The following ASB7 variants were observed in gnomAD, a reference collection of about 807,000 sequenced individuals.
ASB7 encodes the protein ankyrin repeat and SOCS box protein 7.
Under a neutral mutation model 32.5 loss-of-function variants are expected in ASB7, and 4 were observed. That is an observed-to-expected ratio of 0.12 (90% confidence interval 0.06 to 0.28). ASB7 has a LOEUF of 0.28. Ranked by LOEUF, ASB7 falls within the 10% of genes least tolerant of loss-of-function variation. ASB7 has a pLI of 1.00. For synonymous variants in ASB7, 172 were observed against 155.6 expected, an observed-to-expected ratio of 1.11 and a Z score of -0.78; for missense variants, 181 against 407.1, an observed-to-expected ratio of 0.44 and a Z score of 4.78.
chr15:100,608,972 C>G (rs2039671479), intron 2 of ASB7, among the ~76,000 whole-genome samples: 1 of 152,192 alleles, frequency 6.6e-6, no homozygotes, highest in Non-Finnish European at 1.5e-5. Flanking sequence ...GGTAGTAGTT[C>G]TCCCAATATG....
chr15:100,617,400 G>A (rs2039752963), intron 4 of ASB7, among the ~76,000 whole-genome samples: 1 of 152,182 alleles, frequency 6.6e-6, no homozygotes, highest in East Asian at 1.9e-4. Context: ...CAGCCCCTCT[G>A]CATTCTTTCA....
rs1398856749 is a variant in ASB7, at chr15:100,648,735, T to G, written c.*273T>G. 4.0e-6 allele frequency: 1 copy of G among 250,204 alleles called. No homozygotes were observed. Among genetic ancestry groups the G allele is most frequent in the Non-Finnish European group, 7.5e-6 (1 of 133,158 alleles). The allele number at this position is 250,204 out of a possible 1,614,324, so 15.5% of individuals were successfully genotyped here. A position where few individuals can be genotyped will look rare whatever the true frequency, so the allele number is the denominator to read the frequency against. On this transcript the variant is annotated 3_prime_UTR_variant, in exon 6 of 6. Transcript: ENST00000332783. ...CCAAGCTTTGTATACAATACTGCAT[T>G]TAGAAAAATTGTCTTTTCTTAAATG...
chr15:100,636,350 A>C (rs1156730098), intron 5 of ASB7, among the ~76,000 whole-genome samples: 1 of 152,208 alleles, frequency 6.6e-6, no homozygotes, highest in Non-Finnish European at 1.5e-5. Flanking sequence ...TTGGAACTAA[A>C]ACTGGAAGTC....
intron 4 of ASB7, among the ~76,000 whole-genome samples, chr15:100,616,883 G>A (rs1268431912): frequency 6.6e-6 from 1 of 152,194 alleles, no homozygotes; most frequent in Non-Finnish European, 1.5e-5. Context: ...GATCAGTGTA[G>A]CCAACTATGT....
chr15:100,642,755 G>A (rs959397102), intron 5 of ASB7, among the ~76,000 whole-genome samples: 5 of 152,256 alleles, frequency 3.3e-5, no homozygotes, highest in South Asian at 2.1e-4. Context: ...TCACTCTTGC[G>A]GCCGGGCGCG....
intron 3 of ASB7, among the ~76,000 whole-genome samples, 173 bp from the exon 4 acceptor site, chr15:100,611,993 C>T (rs2039700643): frequency 6.6e-6 from 1 of 151,892 alleles, no homozygotes; most frequent in Admixed American, 6.6e-5. Context: ...CCCACCTCAG[C>T]CTCCTGAGTT....
At chr15:100,603,126 C>T (rs999815870) in intron 1 of ASB7, 80 bp downstream of exon 1, 4 of 397,678 alleles carry the variant, frequency 1.0e-5, no homozygotes, top group East Asian at 7.1e-5. Flanking sequence ...TTTTTCTTGC[C>T]TGCCCTTGCC....
chr15:100,638,619 A>G (rs1396440001), intron 5 of ASB7, among the ~76,000 whole-genome samples: 5 of 152,320 alleles, frequency 3.3e-5, no homozygotes, highest in African/African-American at 1.2e-4. Flanking sequence ...GAATAAATAC[A>G]TCATTTATTT....
At chr15:100,620,689 A>C (rs1324094156) in intron 4 of ASB7, among the ~76,000 whole-genome samples, 1 of 152,242 alleles carries the variant, frequency 6.6e-6, no homozygotes, top group Non-Finnish European at 1.5e-5. Flanking sequence ...GTGATGGAAG[A>C]GTCTCTATTA....
At chr15:100,607,496 C>G (rs1409194940) in intron 2 of ASB7, among the ~76,000 whole-genome samples, 3 of 152,200 alleles carry the variant, frequency 2.0e-5, no homozygotes, top group African/African-American at 7.2e-5. Context: ...AGCAGTGTAG[C>G]TGACAGGGAT....
In ASB7 at chr15:100,614,285, AAAAGAAAG is replaced by A. The variant is rs548234905; in HGVS notation, c.211+1874_211+1881del. On this transcript the variant is annotated intron_variant, in intron 4 of 5. Coordinates refer to ENST00000332783, the MANE Select transcript of ASB7 (RefSeq NM_198243.3). ...TGAAACTCTGCTCAAAAAAAAAAAA[AAAAGAAAG>A]AAAGAAAGAAAGAAAAATTCTGTCG... is the stretch of plus-strand genomic sequence containing the variant. Among the ~76,000 whole-genome samples, 444 of 151,680 alleles carry A rather than the reference AAAAGAAAG, an allele frequency of 2.9e-3. 1 individual carries two copies. The highest frequency in any genetic ancestry group is 0.01 in the African/African-American group (428 of 41,316).
intron 4 of ASB7, among the ~76,000 whole-genome samples, chr15:100,618,303 C>G (rs912651240): frequency 6.6e-6 from 1 of 151,540 alleles, no homozygotes; most frequent in African/African-American, 2.4e-5. Context: ...TTAGTAGAGA[C>G]GGGGTTTCAC....
chr15:100,635,893 G>A lies in ASB7; in HGVS notation c.817+5851G>A, dbSNP rs1183241053. ...GAGAAAGTCTTTCCCCCCGGGGCTCGGGCCTTTGTCATGGAGAAGGTTCTG... is the reference window on the plus strand; with the variant it reads ...GAGAAAGTCTTTCCCCCCGGGGCTCAGGCCTTTGTCATGGAGAAGGTTCTG... On this transcript the variant is annotated intron_variant, in intron 5 of 5. Transcript: ENST00000332783. Among the ~76,000 whole-genome samples, 4 of 152,160 alleles carry A rather than the reference G, an allele frequency of 2.6e-5. No homozygotes were observed. The East Asian group carries it at 7.7e-4, about 29-fold the overall frequency.
At chr15:100,635,197 C>T (rs983505511) in intron 5 of ASB7, among the ~76,000 whole-genome samples, 3 of 152,170 alleles carry the variant, frequency 2.0e-5, no homozygotes, top group Non-Finnish European at 4.4e-5. Flanking sequence ...GAGAATTTCA[C>T]CTCCTCAGAG....
In ASB7 at chr15:100,650,652, G is replaced by A. The variant is rs756642786; in HGVS notation, c.*2190G>A. The A allele has an allele frequency of 6.6e-6, 1 of 152,026 alleles. No individual in the cohort carries two copies. Among genetic ancestry groups the A allele is most frequent in the East Asian group, 1.9e-4 (1 of 5,200 alleles). The allele number at this position is 152,026 out of a possible 1,614,324, so 9.4% of individuals were successfully genotyped here. ...TTCCACGTAAAAAGATCAGATTAAG[G>A]TAAATTCTTTGTTCTGTATTGCTGC... is the stretch of plus-strand genomic sequence containing the variant. On this transcript the variant is annotated 3_prime_UTR_variant, in exon 6 of 6. Coordinates refer to ENST00000332783, the MANE Select transcript of ASB7 (RefSeq NM_198243.3).
intron 5 of ASB7, among the ~76,000 whole-genome samples, chr15:100,633,671 G>A (rs2039901405): frequency 6.7e-6 from 1 of 149,554 alleles, no homozygotes; most frequent in Non-Finnish European, 1.5e-5. Context: ...GAAGGAAGGA[G>A]GAAGGAAGGA....
At chr15:100,616,413 A>G (rs2039743342) in intron 4 of ASB7, among the ~76,000 whole-genome samples, 1 of 152,128 alleles carries the variant, frequency 6.6e-6, no homozygotes, top group African/African-American at 2.4e-5. Context: ...TGTCTTGTTT[A>G]GGAAGTATAC....
At position 100,638,743 on chromosome 15, in the gene ASB7, A is replaced by G. The variant is rs575446351; in HGVS notation, c.817+8701A>G. 1.4e-4 allele frequency among the ~76,000 whole-genome samples: 21 copies of G among 152,268 alleles called. No homozygotes were observed. The South Asian group carries it at 4.1e-3, about 30-fold the overall frequency. On this transcript the variant is annotated intron_variant, in intron 5 of 5. Transcript: ENST00000332783. ...GAATGTGCAGGTTTGTTACATAGGT[A>G]TACATGTGCCATGGTGGTTTGCTGC... is the stretch of plus-strand genomic sequence containing the variant.
rs188895527 is a variant in ASB7, at chr15:100,648,531, A to G, written c.*69A>G. On this transcript the variant is annotated 3_prime_UTR_variant, in exon 6 of 6. Transcript: ENST00000332783. ...CTTAAAAGGCTTTTTGCCTTGCACAAAGTATATCCTATGCAATTTCTGATT... is the reference window on the plus strand; with the variant it reads ...CTTAAAAGGCTTTTTGCCTTGCACAGAGTATATCCTATGCAATTTCTGATT... 568 of 1,295,372 alleles carry G rather than the reference A, an allele frequency of 4.4e-4. 1 individual carries two copies. Among genetic ancestry groups the G allele is most frequent in the Non-Finnish European group, 5.2e-4 (492 of 947,964 alleles). The allele number at this position is 1,295,372 out of a possible 1,614,324, so 80.2% of individuals were successfully genotyped here.
Sources: gnomAD v4.1 joint callset for allele counts (sites outside exome capture counted in the v4.1 genomes callset) on GRCh38, gnomAD v4.1.1 for gene constraint, MANE v1.5 for transcripts, NCBI Gene and HGNC (gene_info 2026-07-23, HGNC 2026-07-21) for gene names.